Variants in SLC39A10 observed in about 807,000 individuals in gnomAD.
SLC39A10 encodes zinc transporter ZIP10.
SLC39A10 carries 13 observed loss-of-function variants against 65.1 expected under a neutral mutation model. That is an observed-to-expected ratio of 0.20 (90% CI 0.13 to 0.32). SLC39A10 has a LOEUF of 0.32. Among genes scored for constraint, SLC39A10 ranks in the 10% least tolerant of loss-of-function variants. The pLI is 1.00. For missense variants in SLC39A10, 831 were observed against 1,018.4 expected (o/e 0.82, Z 2.50); for synonymous variants, 321 against 342.2 (o/e 0.94, Z 0.68).
chr2:195,613,857 C>T (rs1433168293), intron 2 of SLC39A10, among the ~76,000 whole-genome samples: 1 of 152,120 alleles, frequency 6.6e-6, no homozygotes, highest in African/African-American at 2.4e-5. Context: ...TCTTTGAAAG[C>T]CACAACTATT....
chr2:195,635,638 AAGTCAC>A (rs943051669), intron 2 of SLC39A10, among the ~76,000 whole-genome samples: 5 of 151,364 alleles, frequency 3.3e-5, no homozygotes, highest in Non-Finnish European at 5.9e-5. Context: ...TAGTTATCTC[AAGTCAC>A]AGTATCCCTT....
At chr2:195,676,014 G>A in intron 1 of SLC39A10, among the ~76,000 whole-genome samples, 1 of 151,926 alleles carries the variant, frequency 6.6e-6, no homozygotes, top group Non-Finnish European at 1.5e-5. Context: ...TCATCATGTT[G>A]CTGTTTTACC....
At chr2:195,722,828 C>T (rs919235275) in intron 8 of SLC39A10, among the ~76,000 whole-genome samples, 6 of 152,194 alleles carry the variant, frequency 3.9e-5, no homozygotes, top group Non-Finnish European at 7.3e-5. Flanking sequence ...TCCATACTGA[C>T]CTCAGACCCT....
chr2:195,649,130 G>A (rs1688982997), intron 2 of SLC39A10, among the ~76,000 whole-genome samples: 1 of 151,970 alleles, frequency 6.6e-6, no homozygotes, highest in African/African-American at 2.4e-5. Context: ...CTCTAAAGAC[G>A]TGTGCTTGAA....
intron 3 of SLC39A10, among the ~76,000 whole-genome samples, chr2:195,699,416 G>A (rs894104197): frequency 6.6e-6 from 1 of 151,606 alleles, no homozygotes; most frequent in African/African-American, 2.4e-5. Context: ...TTTCATGTGA[G>A]TGTTAATAAT....
chr2:195,661,922 A>G (rs1303992097), intron 1 of SLC39A10, among the ~76,000 whole-genome samples: 1 of 152,198 alleles, frequency 6.6e-6, no homozygotes, highest in Non-Finnish European at 1.5e-5. Context: ...TACTGCTGAA[A>G]GGGAGGTATC....
chr2:195,650,719 G>T (rs1689013659), intron 2 of SLC39A10, among the ~76,000 whole-genome samples: 1 of 151,992 alleles, frequency 6.6e-6, no homozygotes, highest in South Asian at 2.1e-4. Context: ...TTTTGTCTCT[G>T]CAAATAGCCT....
At chr2:195,644,649 T>TA (rs1244093451) in intron 2 of SLC39A10, among the ~76,000 whole-genome samples, 1 of 151,366 alleles carries the variant, frequency 6.6e-6, no homozygotes, top group Non-Finnish European at 1.5e-5. Context: ...ACTAAAAAAT[T>TA]AAAAAAATAG....
At chr2:195,674,816 C>G (rs1005709978) in intron 1 of SLC39A10, among the ~76,000 whole-genome samples, 38 of 136,892 alleles carry the variant, frequency 2.8e-4, no homozygotes, top group South Asian at 1.1e-3. Flanking sequence ...GGCTACAAAC[C>G]TGTTGATATA....
chr2:195,672,128 G>A (rs1689885060), intron 1 of SLC39A10, among the ~76,000 whole-genome samples: 1 of 151,942 alleles, frequency 6.6e-6, no homozygotes, highest in African/African-American at 2.4e-5. Flanking sequence ...TCATCTAAAT[G>A]ATTTTTTTTT....
chr2:195,676,451 T>C (rs912828085), intron 1 of SLC39A10, among the ~76,000 whole-genome samples: 1 of 152,146 alleles, frequency 6.6e-6, no homozygotes, highest in African/African-American at 2.4e-5. Flanking sequence ...GTGCTTTGTG[T>C]CTTGCCTAAA....
chr2:195,632,980 G>A (rs2105698592), intron 2 of SLC39A10, among the ~76,000 whole-genome samples: 1 of 152,210 alleles, frequency 6.6e-6, no homozygotes, highest in East Asian at 1.9e-4. Context: ...TGTAGAGATA[G>A]GAACTTGGAT....
At chr2:195,661,733 T>A (rs904469368) in intron 1 of SLC39A10, among the ~76,000 whole-genome samples, 2 of 152,216 alleles carry the variant, frequency 1.3e-5, no homozygotes, top group African/African-American at 2.4e-5. Flanking sequence ...TAATGGTAGA[T>A]ATTTTTATGT....
chr2:195,623,901 CCACACACACACA>C (rs67959883), intron 2 of SLC39A10, among the ~76,000 whole-genome samples: 18 of 142,956 alleles, frequency 1.3e-4, no homozygotes, highest in South Asian at 7.0e-4. Flanking sequence ...AAACAAAAAA[CCACACACACACA>C]CACACACACA....
intron 2 of SLC39A10, among the ~76,000 whole-genome samples, chr2:195,627,495 A>G (rs545219546): frequency 6.6e-6 from 1 of 152,324 alleles, no homozygotes; most frequent in East Asian, 1.9e-4. Flanking sequence ...CAATTATTTT[A>G]TCCAAATTAA....
rs114075449 is a variant in SLC39A10 at position 195,721,722 on chromosome 2, T to C, written c.2146+3390T>C. ...TAACATGTTGCCTCATATTTAATCT[T>C]TCACTTAAAAACTATTTTTAGTAAT... On this transcript the variant is annotated intron_variant, in intron 8 of 9. Coordinates refer to ENST00000359634, the MANE Select transcript of SLC39A10 (RefSeq NM_020342.3). Among the ~76,000 whole-genome samples, 1,017 of 152,326 alleles carry C rather than the reference T, an allele frequency of 6.7e-3. 7 individuals are homozygous for C. The highest frequency in any genetic ancestry group is 0.023 in the African/African-American group (963 of 41,576).
intron 2 of SLC39A10, among the ~76,000 whole-genome samples, chr2:195,625,749 C>T (rs904608404): frequency 1.3e-5 from 2 of 152,158 alleles, no homozygotes; most frequent in African/African-American, 2.4e-5. Context: ...GATTGCTCAG[C>T]GGACACCAGC....
rs1691493004 is a variant in SLC39A10, at chr2:195,708,648, A to G, written c.1387-8A>G. ...TTGTTTAGAAGTTTTATTTGTTCTT[A>G]TTAATAGTCTCAGGGTGGACATGAT... On this transcript the variant is annotated splice_polypyrimidine_tract_variant and splice_region_variant and intron_variant, in intron 4 of 9. Coordinates refer to ENST00000359634, the MANE Select transcript of SLC39A10 (RefSeq NM_020342.3). 6.5e-7 allele frequency: 1 copy of G among 1,542,822 alleles called. No homozygotes were observed. Among genetic ancestry groups the G allele is most frequent in the African/African-American group, 1.4e-5 (1 of 72,230 alleles).
Position 195,719,616 on chromosome 2 carries a change from CT to C in SLC39A10, c.2146+1299del, listed in dbSNP as rs572735239. 2.7e-3 allele frequency among the ~76,000 whole-genome samples: 375 copies of C among 140,860 alleles called. 2 individuals carry two copies. In the East Asian group the frequency reaches 0.029, roughly 11 times the overall value. 92.4% of individuals were successfully genotyped at this position (140,860 alleles called of 152,430 possible). A position where few individuals can be genotyped will look rare whatever the true frequency, so the allele number is the denominator to read the frequency against. On this transcript the variant is annotated intron_variant, in intron 8 of 9. Transcript: ENST00000359634. The stretch of plus-strand genomic sequence containing the variant: ...CCTCCCAGCACTTGGCATTAACTTT[CT>C]TTTTTTTTTTTTTTCTTTGAGACAG...
Sources: allele counts gnomAD v4.1 joint callset (sites outside exome capture counted in the v4.1 genomes callset), GRCh38; gene constraint gnomAD v4.1.1; transcripts MANE v1.5; gene names NCBI Gene and HGNC (gene_info 2026-07-23, HGNC 2026-07-21).